BANP: variants seen among roughly 807,000 people sequenced by gnomAD.
The protein encoded by BANP is BTG3 associated nuclear protein.
In BANP, 11 loss-of-function variants were observed where a neutral mutation model predicts 68.1. The ratio of observed to expected loss-of-function variants is 0.16; its 90% CI spans 0.10 to 0.27. BANP has a LOEUF of 0.27. BANP is among the 10% of genes least tolerant of loss of function. BANP has a pLI of 1.00. For synonymous variants in BANP, 329 were observed against 303.2 expected (o/e 1.09, Z -0.88); for missense variants, 504 against 722.7 (o/e 0.70, Z 3.47).
chr16:88,054,931 G>A (rs376266295), intron 11 of BANP, among the ~76,000 whole-genome samples: 2 of 152,232 alleles, frequency 1.3e-5, no homozygotes, highest in East Asian at 1.9e-4. Context: ...CTGTTCCTAG[G>A]GGGTATTATA....
chr16:88,053,114 C>T (rs544987466), intron 11 of BANP, among the ~76,000 whole-genome samples: 5 of 152,110 alleles, frequency 3.3e-5, no homozygotes, highest in African/African-American at 1.2e-4. Flanking sequence ...ACCACCCCCA[C>T]CTCCACCACT....
chr16:88,061,354 T>C (rs753388604), intron 11 of BANP, among the ~76,000 whole-genome samples: 1 of 152,236 alleles, frequency 6.6e-6, no homozygotes, highest in Non-Finnish European at 1.5e-5. Flanking sequence ...TCAGTTGACT[T>C]AAACCCTGAG....
intron 1 of BANP, chr16:87,963,365 G>T (rs753378856): frequency 6.6e-6 from 1 of 152,236 alleles, no homozygotes; most frequent in African/African-American, 2.4e-5. Flanking sequence ...AATATACTCA[G>T]TTCATATTTT....
chr16:88,050,814 A>G (rs531583380), intron 11 of BANP, among the ~76,000 whole-genome samples: 1 of 152,174 alleles, frequency 6.6e-6, no homozygotes, highest in Admixed American at 6.5e-5. Context: ...CAGCCTCCCG[A>G]GTAGCTGGGA....
In BANP at chr16:87,976,474, G is replaced by GT. The variant is rs59786663; in HGVS notation, c.70+1304dup. ...TTGTCCACACTTATTGTTTTAAAAA[G>GT]TTTTTTTTTTTTTTTGGCCATAAAG... is the stretch of plus-strand genomic sequence containing the variant. On this transcript the variant is annotated intron_variant, in intron 2 of 13. Transcript: ENST00000682872. 9.1e-4 allele frequency among the ~76,000 whole-genome samples: 87 copies of GT among 95,938 alleles called. 1 individual carries two copies. The highest frequency in any genetic ancestry group is 9.3e-3 in the Middle Eastern group (1 of 108). 62.9% of individuals were successfully genotyped at this position (95,938 alleles called of 152,430 possible).
At chr16:88,049,720 T>A (rs1379301960) in intron 11 of BANP, among the ~76,000 whole-genome samples, 6 of 152,104 alleles carry the variant, frequency 3.9e-5, no homozygotes, top group Non-Finnish European at 7.4e-5. Context: ...AGAGGGTTTT[T>A]CAGGTGGAGT....
intron 4 of BANP, among the ~76,000 whole-genome samples, chr16:87,994,640 C>T (rs2066720295): frequency 6.6e-6 from 1 of 152,096 alleles, no homozygotes; most frequent in African/African-American, 2.4e-5. Flanking sequence ...GTTTTTATGA[C>T]TTTTTAATCT....
At position 88,036,735 on chromosome 16, in the gene BANP, AGATG is replaced by A. The variant is rs376388046; in HGVS notation, c.1273-1227_1273-1224del. ...GACCAGGTCACTAAGAAACGTGGTC[AGATG>A]GATGGATGGAAGGAAGCAGCAGGGC... On this transcript the variant is annotated intron_variant, in intron 10 of 13. Coordinates refer to ENST00000682872, the MANE Select transcript of BANP (RefSeq NM_001386991.1). This position sits in a 1 kb window ranked among gnomAD's most constrained non-coding sequence, Gnocchi z 4.2. Among the ~76,000 whole-genome samples, 1 of 152,182 alleles carries A rather than the reference AGATG, an allele frequency of 6.6e-6. No individual in the cohort carries two copies. The highest frequency in any genetic ancestry group is 1.5e-5 in the Non-Finnish European group (1 of 68,022).
intron 12 of BANP, among the ~76,000 whole-genome samples, chr16:88,067,279 G>A (rs2088942857): frequency 6.6e-6 from 1 of 152,108 alleles, no homozygotes; most frequent in Non-Finnish European, 1.5e-5. Context: ...GGCTGGGTGT[G>A]GGGCGCCACA....
At chr16:87,952,181 G>C (rs2057061414) in intron 1 of BANP, 1 of 152,282 alleles carries the variant, frequency 6.6e-6, no homozygotes, top group African/African-American at 2.4e-5. Flanking sequence ...TCCCCCCTAG[G>C]ATGCAGAAAG....
rs193070338 is a variant in BANP at position 88,063,874 on chromosome 16, G to A, written c.1312-1393G>A. 1.3e-3 allele frequency among the ~76,000 whole-genome samples: 199 copies of A among 152,348 alleles called. 1 individual carries two copies. The highest frequency in any genetic ancestry group is 0.01 in the Middle Eastern group (3 of 294). On this transcript the variant is annotated intron_variant, in intron 11 of 13. Coordinates refer to ENST00000682872, the MANE Select transcript of BANP (RefSeq NM_001386991.1). ...TAACCATGAAGGTAGGCATACCCAAGTGGTGAATGAAAATAAAAGTAGAAA... is the reference window on the plus strand; with the variant it reads ...TAACCATGAAGGTAGGCATACCCAAATGGTGAATGAAAATAAAAGTAGAAA...
rs572397983 is a variant in BANP, at chr16:87,971,082, TGTTA to T, written c.-68-3962_-68-3959del. On this transcript the variant is annotated intron_variant, in intron 1 of 13. Transcript: ENST00000682872. ...GAATGAACATTGTAACATTTGTTTT[TGTTA>T]GTTTTTGAAAATTGCTCAGAAAGAA... Among the ~76,000 whole-genome samples the T allele has an allele frequency of 3.7e-3, 569 of 152,308 alleles. 1 individual carries two copies. The highest frequency in any genetic ancestry group is 4.8e-3 in the Non-Finnish European group (329 of 68,024).
At chr16:87,998,618 G>A (rs554387018) in intron 4 of BANP, among the ~76,000 whole-genome samples, 187 of 146,320 alleles carry the variant, frequency 1.3e-3, no homozygotes, top group African/African-American at 4.1e-3. Context: ...ATGCCCGCAC[G>A]TGCGCGGCTG....
At chr16:88,070,547 G>GCAAGACCCT (rs2090041987) in intron 12 of BANP, among the ~76,000 whole-genome samples, 1 of 152,284 alleles carries the variant, frequency 6.6e-6, no homozygotes, top group African/African-American at 2.4e-5. Context: ...TGGTGTGCTC[G>GCAAGACCCT]CAAGTCGTGG....
At chr16:88,022,794 T>TC (rs1366517983) in intron 7 of BANP, among the ~76,000 whole-genome samples, 1 of 152,070 alleles carries the variant, frequency 6.6e-6, no homozygotes, top group East Asian at 1.9e-4. Flanking sequence ...TCTGGCCGCA[T>TC]CCCCCTCGGC....
chr16:88,027,404 C>G, intron 7 of BANP, 79 bp from the exon 8 acceptor site: 1 of 1,542,850 alleles, frequency 6.5e-7, no homozygotes, highest in Non-Finnish European at 8.9e-7. Flanking sequence ...CTTCAGCGGG[C>G]CCCGGCCCTG....
chr16:88,036,658 T>C lies in BANP; in HGVS notation c.1272+1264T>C, dbSNP rs1283892683. On this transcript the variant is annotated intron_variant, in intron 10 of 13. Transcript: ENST00000682872. The surrounding 1 kb of genome is among the most constrained non-coding windows in gnomAD (Gnocchi z 4.2). ...AGGTGAAAGGGGAGGAACGAATTCA[T>C]GTGGGGGCCGTGAGCGACTGGGAAT... Among the ~76,000 whole-genome samples, 2 of 151,998 alleles carry C rather than the reference T, an allele frequency of 1.3e-5. No individual in the cohort carries two copies. Among genetic ancestry groups the C allele is most frequent in the Non-Finnish European group, 2.9e-5 (2 of 68,002 alleles).
intron 7 of BANP, among the ~76,000 whole-genome samples, chr16:88,026,691 CTCCAAACT>C (rs2077064566): frequency 6.7e-6 from 1 of 150,178 alleles, no homozygotes; most frequent in South Asian, 2.1e-4. Context: ...AACTTGAATT[CTCCAAACT>C]GTGTTTATGA....
chr16:88,076,944 A>G lies in BANP; in HGVS notation c.*283A>G, dbSNP rs2091712964. 1 of 386,640 alleles carries G rather than the reference A, an allele frequency of 2.6e-6. No individual in the cohort carries two copies. The highest frequency in any genetic ancestry group is 4.6e-6 in the Non-Finnish European group (1 of 215,194). The allele number at this position is 386,640 out of a possible 1,614,324, so 24.0% of individuals were successfully genotyped here. A position where few individuals can be genotyped will look rare whatever the true frequency, so the allele number is the denominator to read the frequency against. On this transcript the variant is annotated 3_prime_UTR_variant, in exon 14 of 14. Transcript: ENST00000682872. ...GCATATGCGCGGGAAATCAAGAACT[A>G]TGATATTTTTCTGTTTAAACAGCTT...
Sources: allele counts gnomAD v4.1 joint callset (sites outside exome capture counted in the v4.1 genomes callset), GRCh38; gene constraint gnomAD v4.1.1; non-coding constraint Gnocchi (gnomAD v3.1); transcripts MANE v1.5; gene names NCBI Gene and HGNC (gene_info 2026-07-23, HGNC 2026-07-21).